The following AGPAT4 variants were observed in gnomAD, a reference collection of about 807,000 sequenced individuals.
AGPAT4 encodes the protein 1-acylglycerol-3-phosphate O-acyltransferase 4.
A neutral mutation model predicts 48.0 loss-of-function variants in AGPAT4; 15 were observed. That is an observed-to-expected ratio of 0.31 (90% CI 0.21 to 0.48). The LOEUF is 0.48. Ranked by LOEUF, AGPAT4 falls within the 20% of genes least tolerant of loss-of-function variation. AGPAT4 has a pLI of 0.99. For missense variants in AGPAT4, 314 were observed against 482.5 expected (o/e 0.65, Z 3.27); for synonymous variants, 178 against 198.7 (o/e 0.90, Z 0.88).
At position 161,243,759 on chromosome 6, in the gene AGPAT4, T is replaced by C. The variant is rs1782568180; in HGVS notation, c.-89-11457A>G. Among the ~76,000 whole-genome samples the C allele has an allele frequency of 6.6e-6, 1 of 152,192 alleles. No individual in the cohort carries two copies. The highest frequency in any genetic ancestry group is 2.4e-5 in the African/African-American group (1 of 41,456). ...GGCCCCCAACCATCACCAGCTTTTC[T>C]TACTCACTTCTCCACTGTGGCTCTC... On this transcript the variant is annotated intron_variant, in intron 1 of 8. Coordinates refer to ENST00000320285, the MANE Select transcript of AGPAT4 (RefSeq NM_020133.3). The surrounding 1 kb of genome is among the most constrained non-coding windows in gnomAD (Gnocchi z 4.8).
In AGPAT4 at chr6:161,132,793, AC is replaced by A. The variant is rs2114942225; in HGVS notation, c.*3746del. ...CATTATGAGGGGACTACTCCACAGGACCTTGGAGAGTTGCATTTTGGGGGGC... is the reference window on the plus strand; with the variant it reads ...CATTATGAGGGGACTACTCCACAGGACTTGGAGAGTTGCATTTTGGGGGGC... On this transcript the variant is annotated 3_prime_UTR_variant, in exon 9 of 9. Transcript: ENST00000320285. 1 of 152,232 alleles carries A rather than the reference AC, an allele frequency of 6.6e-6. No homozygotes were observed. Among genetic ancestry groups the A allele is most frequent in the East Asian group, 1.9e-4 (1 of 5,202 alleles). 9.4% of individuals were successfully genotyped at this position (152,232 alleles called of 1,614,324 possible).
In AGPAT4 at chr6:161,130,284, T is replaced by C. The variant is rs1224583297; in HGVS notation, c.*6256A>G. 6.6e-6 allele frequency: 1 copy of C among 152,474 alleles called. No homozygotes were observed. Among genetic ancestry groups the C allele is most frequent in the Non-Finnish European group, 1.5e-5 (1 of 68,278 alleles). The allele number at this position is 152,474 out of a possible 1,614,324, so 9.4% of individuals were successfully genotyped here. On this transcript the variant is annotated 3_prime_UTR_variant, in exon 9 of 9. Coordinates refer to ENST00000320285, the MANE Select transcript of AGPAT4 (RefSeq NM_020133.3). Reference sequence around the variant, plus strand: ...CCAATTCATTCGTTCTCATAACTTATTTGAAAAGGCACATTTGGTCAGTCT... The same window carrying C: ...CCAATTCATTCGTTCTCATAACTTACTTGAAAAGGCACATTTGGTCAGTCT...
In AGPAT4 at chr6:161,189,022, G is replaced by A. The variant is rs187450179; in HGVS notation, c.179-22605C>T. 3.3e-5 allele frequency among the ~76,000 whole-genome samples: 5 copies of A among 152,168 alleles called. No individual in the cohort carries two copies. The highest frequency in any genetic ancestry group is 6.5e-5 in the Admixed American group (1 of 15,278). On this transcript the variant is annotated intron_variant, in intron 2 of 8. Coordinates refer to ENST00000320285, the MANE Select transcript of AGPAT4 (RefSeq NM_020133.3). The surrounding 1 kb of genome is among the most constrained non-coding windows in gnomAD (Gnocchi z 5.3). ...CTGGCCTCGTGCACGTGCAGAACACGTGTTTCTTAGAATCTTAGTAATTTT... is the reference window on the plus strand; with the variant it reads ...CTGGCCTCGTGCACGTGCAGAACACATGTTTCTTAGAATCTTAGTAATTTT...
rs530733559 is a variant in AGPAT4 at position 161,184,173 on chromosome 6, C to A, written c.179-17756G>T. ...GTGGAGAAAGAAGTGCAGCAGGTTA[C>A]GGGTGGAAGGCAGGTGTTGAAGCAG... is the stretch of plus-strand genomic sequence containing the variant. On this transcript the variant is annotated intron_variant, in intron 2 of 8. Transcript: ENST00000320285. The surrounding 1 kb of genome is among the most constrained non-coding windows in gnomAD (Gnocchi z 4.8). Among the ~76,000 whole-genome samples the A allele has an allele frequency of 6.6e-6, 1 of 151,510 alleles. No individual in the cohort carries two copies. The highest frequency in any genetic ancestry group is 2.0e-4 in the East Asian group (1 of 5,124).
chr6:161,230,979 A>G (rs1433172286), intron 2 of AGPAT4, among the ~76,000 whole-genome samples: 1 of 152,208 alleles, frequency 6.6e-6, no homozygotes, highest in Non-Finnish European at 1.5e-5. Context: ...AGTTTAACAA[A>G]TAAGACTGGA....
chr6:161,177,440 C>A lies in AGPAT4; in HGVS notation c.179-11023G>T, dbSNP rs1006127839. On this transcript the variant is annotated intron_variant, in intron 2 of 8. Transcript: ENST00000320285. This position sits in a 1 kb window ranked among gnomAD's most constrained non-coding sequence, Gnocchi z 5.0. ...TTCTTCCACTTGATCGAATCGGCCA[C>A]TGAAACTTGTGCATGTGTCACGTAG... 5.9e-5 allele frequency among the ~76,000 whole-genome samples: 9 copies of A among 152,210 alleles called. No individual in the cohort carries two copies. Among genetic ancestry groups the A allele is most frequent in the African/African-American group, 2.2e-4 (9 of 41,456 alleles).
Position 161,204,226 on chromosome 6 carries a change from T to C in AGPAT4, c.178+27810A>G, listed in dbSNP as rs1781317881. 6.6e-6 allele frequency among the ~76,000 whole-genome samples: 1 copy of C among 152,176 alleles called. No individual in the cohort carries two copies. Among genetic ancestry groups the C allele is most frequent in the Non-Finnish European group, 1.5e-5 (1 of 68,044 alleles). On this transcript the variant is annotated intron_variant, in intron 2 of 8. Coordinates refer to ENST00000320285, the MANE Select transcript of AGPAT4 (RefSeq NM_020133.3). The surrounding 1 kb of genome is among the most constrained non-coding windows in gnomAD (Gnocchi z 4.4). ...AGTAAGTGTACATAAAAGGGATTTG[T>C]GTGTTTATTAATAATTTTGTCTATC... is the stretch of plus-strand genomic sequence containing the variant.
rs4709500 is a variant in AGPAT4 at position 161,202,514 on chromosome 6, C to T, written c.178+29522G>A. On this transcript the variant is annotated intron_variant, in intron 2 of 8. Transcript: ENST00000320285. The surrounding 1 kb of genome is among the most constrained non-coding windows in gnomAD (Gnocchi z 5.4). ...TGAAGAGAAGAGAGTTACTAGCCCG[C>T]ACTCAGGAGTTAGGGAAATGGGGTT... is the stretch of plus-strand genomic sequence containing the variant. Among the ~76,000 whole-genome samples, 18,421 of 152,068 alleles carry T rather than the reference C, an allele frequency of 0.12. 1,611 individuals are homozygous for T. Among genetic ancestry groups the T allele is most frequent in the East Asian group, 0.29 (1,516 of 5,162 alleles).
Position 161,161,512 on chromosome 6 carries a change from T to C in AGPAT4, c.348+4736A>G. Reference sequence around the variant, plus strand: ...CTGCAGAGCTGATGAATTCACATGGTGGCGGGCAGCACTGGGTATCTGCCA... The same window carrying C: ...CTGCAGAGCTGATGAATTCACATGGCGGCGGGCAGCACTGGGTATCTGCCA... On this transcript the variant is annotated intron_variant, in intron 3 of 8. Coordinates refer to ENST00000320285, the MANE Select transcript of AGPAT4 (RefSeq NM_020133.3). This position sits in a 1 kb window ranked among gnomAD's most constrained non-coding sequence, Gnocchi z 4.6. 2.2e-6 allele frequency: 1 copy of C among 456,550 alleles called. No homozygotes were observed. The highest frequency in any genetic ancestry group is 1.5e-5 in the South Asian group (1 of 64,558). The allele number at this position is 456,550 out of a possible 1,614,324, so 28.3% of individuals were successfully genotyped here. A position where few individuals can be genotyped will look rare whatever the true frequency, so the allele number is the denominator to read the frequency against.
intron 2 of AGPAT4, among the ~76,000 whole-genome samples, chr6:161,228,794 C>A (rs571810775): frequency 1.3e-5 from 2 of 151,978 alleles, no homozygotes; most frequent in African/African-American, 4.8e-5. Context: ...TTTTACCTAA[C>A]GAAGCCGGCT....
rs1779475654 is a variant in AGPAT4 at position 161,147,813 on chromosome 6, C to T, written c.768-1214G>A. ...GGAATGTAGTGAGTTTTGCCCTTTT[C>T]AGCAACTTGACATTATCGCCCTTGA... On this transcript the variant is annotated intron_variant, in intron 6 of 8. Coordinates refer to ENST00000320285, the MANE Select transcript of AGPAT4 (RefSeq NM_020133.3). This position sits in a 1 kb window ranked among gnomAD's most constrained non-coding sequence, Gnocchi z 4.8. Among the ~76,000 whole-genome samples, 1 of 152,328 alleles carries T rather than the reference C, an allele frequency of 6.6e-6. No individual in the cohort carries two copies. The highest frequency in any genetic ancestry group is 1.5e-5 in the Non-Finnish European group (1 of 68,022).
Position 161,200,818 on chromosome 6 carries a change from A to G in AGPAT4, c.178+31218T>C, listed in dbSNP as rs1271922490. 2.0e-5 allele frequency among the ~76,000 whole-genome samples: 3 copies of G among 152,126 alleles called. No homozygotes were observed. The highest frequency in any genetic ancestry group is 4.4e-5 in the Non-Finnish European group (3 of 68,030). On this transcript the variant is annotated intron_variant, in intron 2 of 8. Transcript: ENST00000320285. The surrounding 1 kb of genome is among the most constrained non-coding windows in gnomAD (Gnocchi z 5.5). ...CTCTTGTCTCTGAGAAGGTTATTCT[A>G]TTTGGCCACAATTTCTGATCCATCC...
rs917203610 is a variant in AGPAT4, at chr6:161,236,574, G to A, written c.-89-4272C>T. Among the ~76,000 whole-genome samples the A allele has an allele frequency of 6.6e-6, 1 of 152,078 alleles. No individual in the cohort carries two copies. The highest frequency in any genetic ancestry group is 2.4e-5 in the African/African-American group (1 of 41,406). On this transcript the variant is annotated intron_variant, in intron 1 of 8. Coordinates refer to ENST00000320285, the MANE Select transcript of AGPAT4 (RefSeq NM_020133.3). The surrounding 1 kb of genome is among the most constrained non-coding windows in gnomAD (Gnocchi z 5.0). ...GAGGCTGGCACGGTTACCTCTGGGG[G>A]CAGACAAGTGACCCGATGAGGGCTT...
intron 1 of AGPAT4, among the ~76,000 whole-genome samples, chr6:161,241,457 G>A (rs1451279151): frequency 2.0e-5 from 3 of 152,090 alleles, no homozygotes; most frequent in African/African-American, 2.4e-5. Flanking sequence ...CTAACCTTTA[G>A]TCCCTCTTCA....
At position 161,266,534 on chromosome 6, in the gene AGPAT4, G is replaced by A. The variant is rs549550372; in HGVS notation, c.-90+7404C>T. On this transcript the variant is annotated intron_variant, in intron 1 of 8. Transcript: ENST00000320285. The surrounding 1 kb of genome is among the most constrained non-coding windows in gnomAD (Gnocchi z 6.2). ...AGGGTGAATGGGGTGATGGGAGAGC[G>A]TCAGGAAAGCAGAGGCTGGAGGCAG... Among the ~76,000 whole-genome samples the A allele has an allele frequency of 1.4e-4, 21 of 152,298 alleles. No individual in the cohort carries two copies. The highest frequency in any genetic ancestry group is 1.9e-4 in the East Asian group (1 of 5,172).
chr6:161,199,340 T>C (rs912260660), intron 2 of AGPAT4, among the ~76,000 whole-genome samples: 2 of 152,162 alleles, frequency 1.3e-5, no homozygotes, highest in Non-Finnish European at 2.9e-5. Context: ...TCAAACCACA[T>C]GGCTGGTGTG....
intron 2 of AGPAT4, among the ~76,000 whole-genome samples, chr6:161,173,335 T>G (rs1780334456): frequency 6.6e-6 from 1 of 152,258 alleles, no homozygotes; most frequent in Admixed American, 6.5e-5. Context: ...TGATCGCCAT[T>G]CTAACTGACA....
At chr6:161,173,834 G>A (rs2114986570) in intron 2 of AGPAT4, among the ~76,000 whole-genome samples, 1 of 152,310 alleles carries the variant, frequency 6.6e-6, no homozygotes, top group Non-Finnish European at 1.5e-5. Context: ...AAGGTGTAAG[G>A]AAGGGATCCA....
intron 2 of AGPAT4, among the ~76,000 whole-genome samples, chr6:161,227,887 A>AG (rs11393541): frequency 6.6e-3 from 1 of 152 alleles, no homozygotes; most frequent in Non-Finnish European, 0.016. Flanking sequence ...GGGTGGTGAA[A>AG]GGAAGTAACA....
Sources: gnomAD v4.1 joint callset for allele counts (sites outside exome capture counted in the v4.1 genomes callset) on GRCh38, gnomAD v4.1.1 for gene constraint, Gnocchi (gnomAD v3.1) non-coding constraint, MANE v1.5 for transcripts, NCBI Gene and HGNC (gene_info 2026-07-23, HGNC 2026-07-21) for gene names.